The following PRELID2 variants were observed in gnomAD, a reference collection of about 807,000 sequenced individuals.
PRELID2 encodes the protein PRELI domain-containing protein 2.
A neutral mutation model predicts 28.4 loss-of-function variants in PRELID2; 25 were observed. The ratio of observed to expected loss-of-function variants is 0.88; its 90% CI spans 0.64 to 1.23. The LOEUF (loss-of-function observed/expected upper bound fraction) is 1.23. Ranked by LOEUF, PRELID2 falls within the 50% of genes most tolerant of loss-of-function variation. The pLI, the probability that PRELID2 is intolerant of heterozygous loss-of-function variation, is 0.00. For synonymous variants in PRELID2, 76 were observed against 71.6 expected (o/e 1.06, Z -0.31); for missense variants, 201 against 214.4 (o/e 0.94, Z 0.39).
At chr5:145,376,838 G>A in the PRELID2 span, among the ~76,000 whole-genome samples, 1 of 151,938 alleles carries the variant, frequency 6.6e-6, no homozygotes, top group South Asian at 2.1e-4. Flanking sequence ...TGAAAGACAG[G>A]TGTCTGGGTT....
chr5:145,516,058 G>C (rs1437731967), intron 1 of PRELID2, among the ~76,000 whole-genome samples: 1 of 152,186 alleles, frequency 6.6e-6, no homozygotes, highest in African/African-American at 2.4e-5. Context: ...AAAACTGGAA[G>C]CATTCCCTTT....
chr5:145,389,004 C>A, the PRELID2 span, among the ~76,000 whole-genome samples: 1 of 152,294 alleles, frequency 6.6e-6, no homozygotes, highest in South Asian at 2.1e-4. Flanking sequence ...TTACTCACCA[C>A]TGTAGTGCTA....
chr5:145,748,287 T>C (rs572374125), intron 1 of PRELID2, among the ~76,000 whole-genome samples: 2 of 151,934 alleles, frequency 1.3e-5, no homozygotes, highest in South Asian at 2.1e-4. Flanking sequence ...CTTCTTAGAC[T>C]GATAAGCAAC....
chr5:145,242,464 A>C, the PRELID2 span, among the ~76,000 whole-genome samples: 1,455 of 152,154 alleles, frequency 9.6e-3, 86 homozygotes, highest in Admixed American at 0.085. Context: ...AGGAGGGGAT[A>C]CTGTAATTCA....
intron 1 of PRELID2, among the ~76,000 whole-genome samples, chr5:145,634,275 G>A (rs908522958): frequency 6.6e-6 from 1 of 152,100 alleles, no homozygotes; most frequent in Non-Finnish European, 1.5e-5. Context: ...ACTGGGTCAT[G>A]CAAACACTCT....
chr5:145,548,800 G>A (rs1752808318), intron 1 of PRELID2, among the ~76,000 whole-genome samples: 1 of 152,134 alleles, frequency 6.6e-6, no homozygotes, highest in Non-Finnish European at 1.5e-5. Flanking sequence ...CTTACAAAGA[G>A]CTAACTGCAT....
chr5:145,822,989 A>C, intron 2 of PRELID2, 88 bp downstream of exon 2: 1 of 684,256 alleles, frequency 1.5e-6, no homozygotes, highest in Non-Finnish European at 2.6e-6. Context: ...AAAAAAACCT[A>C]ATAGGCCACA....
chr5:145,814,878 T>G (rs1754192333), intron 4 of PRELID2, among the ~76,000 whole-genome samples: 1 of 152,248 alleles, frequency 6.6e-6, no homozygotes, highest in South Asian at 2.1e-4. Context: ...GAATAAGTGC[T>G]GACGCTGTTG....
At chr5:145,242,247 T>A in the PRELID2 span, among the ~76,000 whole-genome samples, 8 of 152,160 alleles carry the variant, frequency 5.3e-5, no homozygotes, top group African/African-American at 1.9e-4. Context: ...ACTTTCCACA[T>A]GGTTTACTTT....
At chr5:145,580,516 T>C (rs1351131919) in intron 1 of PRELID2, among the ~76,000 whole-genome samples, 1 of 152,066 alleles carries the variant, frequency 6.6e-6, no homozygotes, top group Non-Finnish European at 1.5e-5. Context: ...CACTGTCCAC[T>C]GACTACCCTT....
At chr5:145,324,861 C>T in the PRELID2 span, among the ~76,000 whole-genome samples, 2 of 152,138 alleles carry the variant, frequency 1.3e-5, no homozygotes. Context: ...AAAAGTGTGT[C>T]TGGATTCCAA....
chr5:145,630,556 T>C (rs1753918615), intron 1 of PRELID2, among the ~76,000 whole-genome samples: 1 of 152,226 alleles, frequency 6.6e-6, no homozygotes, highest in African/African-American at 2.4e-5. Flanking sequence ...AAAGCTGTCT[T>C]TTCTTTCCTT....
the PRELID2 span, among the ~76,000 whole-genome samples, chr5:145,274,898 A>G: frequency 6.6e-6 from 1 of 152,272 alleles, no homozygotes; most frequent in African/African-American, 2.4e-5. Context: ...TCTGGAAGCT[A>G]GAAGTCTGAG....
At chr5:145,621,316 C>CA (rs141147839) in intron 1 of PRELID2, among the ~76,000 whole-genome samples, 8,782 of 152,180 alleles carry the variant, frequency 0.058, 795 homozygotes, top group African/African-American at 0.2. Context: ...TTAGAGCACT[C>CA]ATACATTGCT....
At chr5:145,317,612 G>A in the PRELID2 span, among the ~76,000 whole-genome samples, 1 of 152,134 alleles carries the variant, frequency 6.6e-6, no homozygotes, top group African/African-American at 2.4e-5. Flanking sequence ...ACTGGGGGGT[G>A]GAGAAAAAGG....
the PRELID2 span, among the ~76,000 whole-genome samples, chr5:145,414,153 C>A: frequency 0.63 from 95,782 of 152,016 alleles, 31,232 homozygotes; most frequent in Non-Finnish European, 0.71. Context: ...ATATCCCTTC[C>A]TCCCTAGTTG....
intron 1 of PRELID2, among the ~76,000 whole-genome samples, chr5:145,546,660 A>G (rs560060910): frequency 9.2e-5 from 14 of 152,310 alleles, no homozygotes; most frequent in African/African-American, 3.4e-4. Flanking sequence ...GGTAGAGCAG[A>G]GATGGAATGC....
the PRELID2 span, among the ~76,000 whole-genome samples, chr5:145,406,477 GT>G: frequency 6.6e-6 from 1 of 152,110 alleles, no homozygotes; most frequent in African/African-American, 2.4e-5. Context: ...ACAAGTTTTT[GT>G]TTTGTTTTGT....
intron 1 of PRELID2, among the ~76,000 whole-genome samples, chr5:145,740,304 ATATATATATATATAT>A (rs1756629769): frequency 3.0e-5 from 3 of 101,204 alleles, no homozygotes; most frequent in African/African-American, 1.2e-4. Flanking sequence ...ATATATATAT[ATATATATATATATAT>A]AAATCCTAAA....
Sources: gnomAD v4.1 joint callset for allele counts (sites outside exome capture counted in the v4.1 genomes callset) on GRCh38, gnomAD v4.1.1 for gene constraint, MANE v1.5 for transcripts, NCBI Gene and HGNC (gene_info 2026-07-23, HGNC 2026-07-21) for gene names.